Variants in KIF25 observed in about 807,000 individuals in gnomAD.
The protein encoded by KIF25 is kinesin family member 25, also known as kinesin-like protein KIF25.
KIF25 carries 19 observed loss-of-function variants against 32.9 expected under a neutral mutation model. The ratio of observed to expected loss-of-function variants is 0.58; its 90% CI spans 0.40 to 0.85. The LOEUF is 0.85. KIF25 is among the 40% of genes least tolerant of loss of function. The pLI, the probability that KIF25 is intolerant of heterozygous loss-of-function variation, is 0.00. For synonymous variants in KIF25, 225 were observed against 213.7 expected (o/e 1.05, Z -0.46); for missense variants, 485 against 507.0 (o/e 0.96, Z 0.42).
At chr6:168,018,673 C>T (rs903648129) in intron 5 of KIF25, among the ~76,000 whole-genome samples, 8 of 152,180 alleles carry the variant, frequency 5.3e-5, no homozygotes, top group African/African-American at 1.9e-4. Flanking sequence ...TAGGAGAGCC[C>T]CGGAAGGCTC....
At chr6:168,007,293 T>A (rs1798592490) in intron 4 of KIF25, among the ~76,000 whole-genome samples, 1 of 152,068 alleles carries the variant, frequency 6.6e-6, no homozygotes, top group Non-Finnish European at 1.5e-5. Context: ...GCGCCTGTAG[T>A]CCCAGCTACT....
intron 5 of KIF25, among the ~76,000 whole-genome samples, chr6:168,025,536 T>C (rs1239825254): frequency 6.6e-6 from 1 of 151,950 alleles, no homozygotes. Context: ...GTAGATACAT[T>C]GTGGTAAAAG....
At position 168,030,831 on chromosome 6, in the gene KIF25, A is replaced by T. The variant is rs754299875; in HGVS notation, c.151A>T (p.Thr51Ser). ...AVFGDVCPLL[T>S]SLLDGYNVCV... ...CTTTGGAGATGTGTGCCCCCTACTC[A>T]CTTCTCTCTTGGATGGGTGAGTTAA... Residue 51 changes from threonine (T) to serine (S), a missense_variant, in exon 7 of 13, where the codon ACT becomes TCT. Coordinates refer to ENST00000643607, the MANE Select transcript of KIF25 (RefSeq NM_030615.4). 7 of 1,612,606 alleles carry T rather than the reference A, an allele frequency of 4.3e-6. No homozygotes were observed. The Admixed American group carries it at 1.2e-4, about 27-fold the overall frequency.
chr6:168,029,466 C>T (rs1008936882), intron 5 of KIF25, 26 bp from the exon 6 acceptor site: 8 of 1,470,228 alleles, frequency 5.4e-6, no homozygotes, highest in Admixed American at 2.4e-5. Context: ...AATACTGTTA[C>T]GTTTTCAAGT....
In KIF25 at chr6:168,038,675, G is replaced by T. The variant is rs767366376; in HGVS notation, c.440G>T (p.Arg147Leu). The change falls in exon 9 of 13, where the codon CGT (arginine) becomes CTT (leucine). Residue 147 changes from arginine (R) to leucine (L), a missense_variant. By Grantham distance (102) the Arg-to-Leu change is moderately radical. Around this residue, in one of 2 missense-constraint regions of KIF25, gnomAD observed 480 missense variants for 470.3 expected, o/e 1.02. Transcript: ENST00000643607. ...DSIAAVSGVK[R>L]EVVTAKDGRT... ...ATTGCAGCAGTGTCGGGGGTCAAGC[G>T]TGAGGTGGTGACAGCCAAGGATGGA... 6.2e-7 allele frequency: 1 copy of T among 1,614,140 alleles called. No homozygotes were observed.
intron 6 of KIF25, among the ~76,000 whole-genome samples, chr6:168,029,920 G>A (rs555762390): frequency 4.5e-4 from 68 of 152,266 alleles, no homozygotes; most frequent in Non-Finnish European, 8.7e-4. Context: ...TGCTGGAGGC[G>A]AAGTGGATCA....
Position 168,044,891 on chromosome 6 carries a change from G to A in KIF25, c.1050G>A (p.Thr350=), listed in dbSNP as rs73790705. The part of the protein sequence containing the change: ...ISPSQRHLAQ[T]LQGLGFGIRA... ...CCAGCCAGAGGCACCTGGCACAGAC[G>A]TTGCAGGGCCTGGGTTTCGGGATCC... is the stretch of plus-strand genomic sequence containing the variant. The change falls in exon 13 of 13, where the codon ACG becomes ACA. Residue 350 remains threonine, a synonymous_variant. Transcript: ENST00000643607. 2,248 of 1,612,812 alleles carry A rather than the reference G, an allele frequency of 1.4e-3. 40 individuals are homozygous for A. The African/African-American group carries it at 0.026, about 19-fold the overall frequency.
In KIF25 at chr6:168,041,951, C is replaced by T; in HGVS notation, c.647-18C>T. ...CATGCAACTGTTTTCCTCCTCGTCG[C>T]TCCTTGGTCCCTTGCAGCAGACCAA... On this transcript the variant is annotated intron_variant, in intron 10 of 12. Transcript: ENST00000643607. The T allele has an allele frequency of 2.6e-6, 4 of 1,550,078 alleles. No homozygotes were observed. Among genetic ancestry groups the T allele is most frequent in the Non-Finnish European group, 3.5e-6 (4 of 1,146,172 alleles).
In KIF25 at chr6:167,997,744, T is replaced by C. The variant is rs1798441744; in HGVS notation, c.-1725T>C. 6.6e-6 allele frequency among the ~76,000 whole-genome samples: 1 copy of C among 151,728 alleles called. No individual in the cohort carries two copies. Among genetic ancestry groups the C allele is most frequent in the Non-Finnish European group, 1.5e-5 (1 of 67,918 alleles). On this transcript the variant is annotated 5_prime_UTR_variant, in exon 1 of 13. Coordinates refer to ENST00000643607, the MANE Select transcript of KIF25 (RefSeq NM_030615.4). ...TTTAATGTAAAGTCTCAGGGTTTGA[T>C]TTTGCAACACGAGGATGCCAAGGTG...
chr6:168,034,677 TC>T (rs1402144916), intron 8 of KIF25, among the ~76,000 whole-genome samples: 1 of 152,152 alleles, frequency 6.6e-6, no homozygotes, highest in African/African-American at 2.4e-5. Context: ...GAGGGAAAAC[TC>T]CCGTCCTTCC....
intron 5 of KIF25, among the ~76,000 whole-genome samples, chr6:168,019,741 C>T (rs926967330): frequency 6.6e-6 from 1 of 152,172 alleles, no homozygotes; most frequent in Non-Finnish European, 1.5e-5. Context: ...AGCATCATGG[C>T]GCCATGGGAC....
intron 5 of KIF25, among the ~76,000 whole-genome samples, chr6:168,020,561 C>T (rs1284939375): frequency 1.3e-5 from 2 of 151,544 alleles, no homozygotes; most frequent in Non-Finnish European, 1.5e-5. Context: ...ACATAAAATG[C>T]ACGTGAGCAA....
At chr6:168,017,204 C>G (rs73788686) in intron 4 of KIF25, among the ~76,000 whole-genome samples, 4 of 151,696 alleles carry the variant, frequency 2.6e-5, no homozygotes, top group South Asian at 2.1e-4. Context: ...CACACACACA[C>G]AGACACACAC....
At chr6:168,022,289 A>G (rs1262896400) in intron 5 of KIF25, among the ~76,000 whole-genome samples, 1 of 152,162 alleles carries the variant, frequency 6.6e-6, no homozygotes, top group Non-Finnish European at 1.5e-5. Flanking sequence ...CTCTTCATCC[A>G]TGGGTAAACT....
At chr6:168,040,448 C>G (rs1425934748) in intron 10 of KIF25, among the ~76,000 whole-genome samples, 2 of 152,132 alleles carry the variant, frequency 1.3e-5, no homozygotes, top group African/African-American at 4.8e-5. Flanking sequence ...AGCCTGTAAT[C>G]CCAGCTACTC....
At position 168,042,705 on chromosome 6, in the gene KIF25, A is replaced by G. The variant is rs770128142; in HGVS notation, c.974A>G (p.Gln325Arg). The change falls in exon 12 of 13, where the codon CAG (glutamine) becomes CGG (arginine). Residue 325 changes from glutamine to arginine, a missense_variant. Physicochemically the swap from Gln to Arg is conservative, Grantham distance 43. Around this residue, in one of 2 missense-constraint regions of KIF25, gnomAD observed 480 missense variants for 470.3 expected, o/e 1.02. Coordinates refer to ENST00000643607, the MANE Select transcript of KIF25 (RefSeq NM_030615.4). ...AACAGCAGGCTCACCCACCTCCTTCAGGACTGCCTCGGTAACCGTTTTCCC... is the reference window on the plus strand; with the variant it reads ...AACAGCAGGCTCACCCACCTCCTTCGGGACTGCCTCGGTAACCGTTTTCCC... ...YRNSRLTHLL[Q>R]DCLGGDAKLL... The G allele has an allele frequency of 6.2e-7, 1 of 1,611,208 alleles. No individual in the cohort carries two copies. The highest frequency in any genetic ancestry group is 1.1e-5 in the South Asian group (1 of 90,988).
At chr6:168,042,802 G>T in intron 12 of KIF25, 86 bp downstream of exon 12, 1 of 1,464,106 alleles carries the variant, frequency 6.8e-7, no homozygotes, top group South Asian at 1.3e-5. Flanking sequence ...ACGTCCTCGA[G>T]GGCCACCCAT....
At chr6:168,024,966 G>A (rs920767555) in intron 5 of KIF25, among the ~76,000 whole-genome samples, 1 of 152,190 alleles carries the variant, frequency 6.6e-6, no homozygotes, top group African/African-American at 2.4e-5. Context: ...CAGGAGAATC[G>A]CATGAACCCG....
At chr6:168,043,325 C>T (rs113309819) in intron 12 of KIF25, among the ~76,000 whole-genome samples, 1,732 of 152,290 alleles carry the variant, frequency 0.011, 42 homozygotes, top group African/African-American at 0.04. Flanking sequence ...GGCAGAGTCC[C>T]CCAGAGGTGG....
Sources: gnomAD v4.1 joint callset for allele counts (sites outside exome capture counted in the v4.1 genomes callset) on GRCh38, gnomAD v4.1.1 for gene constraint, gnomAD v4.1.1 regional missense constraint, MANE v1.5 for transcripts, NCBI Gene and HGNC (gene_info 2026-07-23, HGNC 2026-07-21) for gene names.